The following SLC4A8 variants were observed in gnomAD, a reference collection of about 807,000 sequenced individuals.
SLC4A8 encodes electroneutral sodium bicarbonate exchanger 1.
SLC4A8 carries 40 observed loss-of-function variants against 125.0 expected under a neutral mutation model. That is an observed-to-expected ratio of 0.32 (90% CI 0.25 to 0.42). SLC4A8 has a LOEUF of 0.42. Ranked by LOEUF, SLC4A8 falls within the 10% of genes least tolerant of loss-of-function variation. The probability of loss-of-function intolerance (pLI) is 1.00; values close to 1 mark genes in which losing one functional copy is unlikely to be tolerated. For synonymous variants in SLC4A8, 456 were observed against 476.0 expected, an observed-to-expected ratio of 0.96 and a Z score of 0.55; for missense variants, 863 against 1,355.1, an observed-to-expected ratio of 0.64 and a Z score of 5.70.
At chr12:51,428,365 T>A (rs544708826) in intron 1 of SLC4A8, among the ~76,000 whole-genome samples, 34 of 152,306 alleles carry the variant, frequency 2.2e-4, no homozygotes, top group South Asian at 2.1e-3. Context: ...GTGCCTGGTA[T>A]AAAATTGGTG....
intron 1 of SLC4A8, among the ~76,000 whole-genome samples, chr12:51,409,506 T>G (rs1049083093): frequency 1.3e-5 from 2 of 152,192 alleles, no homozygotes; most frequent in Non-Finnish European, 2.9e-5. Flanking sequence ...TGTTAGGTTT[T>G]CTAGGTTTAC....
intron 1 of SLC4A8, chr12:51,392,936 A>G (rs1439135312): frequency 6.6e-6 from 1 of 152,170 alleles, no homozygotes; most frequent in African/African-American, 2.4e-5. Flanking sequence ...AACTTCTACC[A>G]CTAGTTCAGT....
intron 1 of SLC4A8, 44 bp from the exon 2 acceptor site, chr12:51,440,664 C>T (rs771113306): frequency 2.2e-5 from 32 of 1,451,044 alleles, no homozygotes; most frequent in East Asian, 4.7e-5. Context: ...TATATTTGAA[C>T]GAGGTATGTG....
At chr12:51,440,665 G>A (rs111600671) in intron 1 of SLC4A8, 43 bp from the exon 2 acceptor site, 5 of 1,454,470 alleles carry the variant, frequency 3.4e-6, no homozygotes, top group African/African-American at 1.4e-5. Context: ...ATATTTGAAC[G>A]AGGTATGTGT....
At chr12:51,457,787 A>G (rs1950201631) in intron 6 of SLC4A8, among the ~76,000 whole-genome samples, 1 of 152,144 alleles carries the variant, frequency 6.6e-6, no homozygotes, top group East Asian at 1.9e-4. Context: ...GTGGCCTCAG[A>G]ACTGATGTAG....
At chr12:51,449,098 G>T (rs1367318823) in intron 2 of SLC4A8, among the ~76,000 whole-genome samples, 2 of 152,148 alleles carry the variant, frequency 1.3e-5, no homozygotes, top group Non-Finnish European at 2.9e-5. Flanking sequence ...AGGAGAGCAA[G>T]CCAGACTGAG....
At chr12:51,497,363 C>T in intron 22 of SLC4A8, 2 of 454,814 alleles carry the variant, frequency 4.4e-6, no homozygotes, top group East Asian at 4.1e-5. Context: ...TCACCAGGCT[C>T]ATACCTACAA....
At chr12:51,466,943 A>ATGTG (rs5798175) in intron 11 of SLC4A8, among the ~76,000 whole-genome samples, 4 of 149,290 alleles carry the variant, frequency 2.7e-5, no homozygotes, top group Admixed American at 1.3e-4. Context: ...GCCTCAGAGT[A>ATGTG]TGTGTGTGTG....
chr12:51,461,463 G>A (rs1012392370), intron 9 of SLC4A8, 172 bp downstream of exon 9: 6 of 484,388 alleles, frequency 1.2e-5, no homozygotes, highest in Non-Finnish European at 7.4e-6. Flanking sequence ...CCAAGCTCTA[G>A]AGGATTTTTC....
Position 51,493,785 on chromosome 12 carries a change from T to C in SLC4A8, c.2769+13T>C. ...ACAGGGAATTCAGGTATTGTATGGT[T>C]CAGCCAGGGCAGTTTCTTCTCACTG... On this transcript the variant is annotated intron_variant, in intron 20 of 24. Transcript: ENST00000453097. 1 of 1,569,452 alleles carries C rather than the reference T, an allele frequency of 6.4e-7. No individual in the cohort carries two copies.
chr12:51,478,489 A>G (rs1950923378), intron 16 of SLC4A8, among the ~76,000 whole-genome samples: 3 of 152,156 alleles, frequency 2.0e-5, no homozygotes. Context: ...ATTATAAAAG[A>G]CAATCCTTTC....
In SLC4A8 at chr12:51,495,013, T is replaced by C. The variant is rs774627570; in HGVS notation, c.2838T>C (p.His946=). 49 of 1,614,038 alleles carry C rather than the reference T, an allele frequency of 3.0e-5. No individual in the cohort carries two copies. The highest frequency in any genetic ancestry group is 1.6e-4 in the Middle Eastern group (1 of 6,082). ...KHQPDFIYLR[H]VPLRKVHLFT... The stretch of plus-strand genomic sequence containing the variant: ...AGCCAGATTTCATCTACCTGCGGCA[T>C]GTGCCGCTGCGCAAAGTGCACCTCT... Residue 946 remains histidine (H), a synonymous_variant, in exon 21 of 25, where the codon CAT becomes CAC. Coordinates refer to ENST00000453097, the MANE Select transcript of SLC4A8 (RefSeq NM_001039960.3).
upstream of SLC4A8, among the ~76,000 whole-genome samples, chr12:51,420,786 A>C (rs143389212): frequency 2.5e-4 from 38 of 152,338 alleles, no homozygotes; most frequent in African/African-American, 8.4e-4. Flanking sequence ...AGGCATCCCC[A>C]TGGGAGACAG....
At position 51,494,926 on chromosome 12, in the gene SLC4A8, G is replaced by C. The variant is rs755302162; in HGVS notation, c.2770-19G>C. ...CCAGAATGCCCTCCTGAAAATAAAT[G>C]CCAGTTCCTTCCTTTCAGTTCTTTG... is the stretch of plus-strand genomic sequence containing the variant. On this transcript the variant is annotated intron_variant, in intron 20 of 24. Transcript: ENST00000453097. The C allele has an allele frequency of 6.2e-7, 1 of 1,609,270 alleles. No individual in the cohort carries two copies. Among genetic ancestry groups the C allele is most frequent in the Non-Finnish European group, 8.5e-7 (1 of 1,176,284 alleles).
chr12:51,402,032 T>C (rs1036363571), intron 1 of SLC4A8, among the ~76,000 whole-genome samples: 1 of 152,116 alleles, frequency 6.6e-6, no homozygotes, highest in Non-Finnish European at 1.5e-5. Flanking sequence ...CCTCCCAAAG[T>C]GCTGGAATTA....
intron 1 of SLC4A8, among the ~76,000 whole-genome samples, chr12:51,428,701 A>T (rs1949089134): frequency 6.6e-6 from 1 of 152,230 alleles, no homozygotes. Flanking sequence ...ATACATATTC[A>T]TCTCTGCTGC....
intron 17 of SLC4A8, among the ~76,000 whole-genome samples, chr12:51,486,625 TGA>T (rs2138385524): frequency 6.6e-6 from 1 of 152,170 alleles, no homozygotes; most frequent in East Asian, 1.9e-4. Context: ...CCCCATAGGG[TGA>T]GGGGAGAGAA....
At chr12:51,416,793 A>T (rs978459231) in intron 1 of SLC4A8, among the ~76,000 whole-genome samples, 4 of 152,180 alleles carry the variant, frequency 2.6e-5, no homozygotes, top group African/African-American at 9.7e-5. Context: ...ATTCAAAAGT[A>T]AGTTGTAGAC....
chr12:51,479,918 TCTC>T (rs1950971891), intron 16 of SLC4A8: 1 of 383,246 alleles, frequency 2.6e-6, no homozygotes, highest in African/African-American at 2.2e-5. Flanking sequence ...CTTTTTTCTG[TCTC>T]ACGAAACAGA....
Sources: allele counts gnomAD v4.1 joint callset (sites outside exome capture counted in the v4.1 genomes callset), GRCh38; gene constraint gnomAD v4.1.1; transcripts MANE v1.5; gene names NCBI Gene and HGNC (gene_info 2026-07-23, HGNC 2026-07-21).